PACRG: variants seen among roughly 807,000 people sequenced by gnomAD.
The protein encoded by PACRG is parkin coregulated gene protein.
In PACRG, 29 loss-of-function variants were observed where a neutral mutation model predicts 29.7. The ratio of observed to expected loss-of-function variants is 0.98; its 90% CI spans 0.73 to 1.33. The LOEUF (loss-of-function observed/expected upper bound fraction) is 1.33. PACRG is among the 40% of genes most tolerant of loss of function. The pLI, the probability that PACRG is intolerant of heterozygous loss-of-function variation, is 0.00. For missense variants in PACRG, 279 were observed against 316.2 expected, an observed-to-expected ratio of 0.88 and a Z score of 0.89; for synonymous variants, 116 against 118.7, an observed-to-expected ratio of 0.98 and a Z score of 0.15.
At chr6:163,177,710 A>ATTTTTTTTTTT (rs398003265) in intron 4 of PACRG, among the ~76,000 whole-genome samples, 5,654 of 53,682 alleles carry the variant, frequency 0.11, 1,364 homozygotes, top group Admixed American at 0.13. Context: ...TAGAAAAGGG[A>ATTTTTTTTTTT]TTTTTTTTTT....
At chr6:163,026,099 A>T (rs1458783883) in intron 2 of PACRG, among the ~76,000 whole-genome samples, 2 of 152,206 alleles carry the variant, frequency 1.3e-5, no homozygotes, top group South Asian at 4.1e-4. Flanking sequence ...ATACTATAAG[A>T]CTATAGTAAC....
In PACRG at chr6:163,062,164, G is replaced by T; in HGVS notation, c.306G>T (p.Lys102Asn). 3.7e-6 allele frequency: 6 copies of T among 1,613,768 alleles called. No individual in the cohort carries two copies. Among genetic ancestry groups the T allele is most frequent in the Non-Finnish European group, 5.1e-6 (6 of 1,179,908 alleles). Residue 102 changes from lysine (K) to asparagine (N), a missense_variant, in exon 3 of 5, where the codon AAG (lysine) becomes AAT (asparagine). Lys to Asn is a moderately conservative substitution (Grantham distance 94). Transcript: ENST00000366888. ...NKIAWKVEIE[K>N]LDYHHYLPLF... The stretch of plus-strand genomic sequence containing the variant: ...TTTACTTTCAGGTAGAAATTGAGAA[G>T]CTGGATTACCATCATTATCTGCCTC...
At chr6:162,841,456 T>C (rs990796147) in intron 2 of PACRG, among the ~76,000 whole-genome samples, 13 of 152,182 alleles carry the variant, frequency 8.5e-5, no homozygotes, top group Admixed American at 7.9e-4. Context: ...CTTTATCATA[T>C]TTTATTGCAT....
chr6:163,045,479 C>T (rs1015158408), intron 2 of PACRG, among the ~76,000 whole-genome samples: 1 of 152,130 alleles, frequency 6.6e-6, no homozygotes, highest in Non-Finnish European at 1.5e-5. Flanking sequence ...CGCCCGTCAA[C>T]ACGCCCGGCT....
At chr6:162,790,564 T>TA (rs1214830475) in intron 1 of PACRG, among the ~76,000 whole-genome samples, 2 of 152,182 alleles carry the variant, frequency 1.3e-5, no homozygotes, top group Non-Finnish European at 2.9e-5. Flanking sequence ...TTAATTCTTT[T>TA]AATCTTACCT....
At chr6:163,008,027 C>A (rs1397850329) in intron 2 of PACRG, among the ~76,000 whole-genome samples, 2 of 152,112 alleles carry the variant, frequency 1.3e-5, no homozygotes, top group Non-Finnish European at 2.9e-5. Flanking sequence ...ATAGAATATT[C>A]TTATTGTTGT....
At position 162,769,760 on chromosome 6, in the gene PACRG, G is replaced by T. The variant is rs117390060; in HGVS notation, c.156+41369G>T. Among the ~76,000 whole-genome samples, 96 of 135,406 alleles carry T rather than the reference G, an allele frequency of 7.1e-4. No individual in the cohort carries two copies. The East Asian group carries it at 0.019, about 27-fold the overall frequency. The allele number at this position is 135,406 out of a possible 152,430, so 88.8% of individuals were successfully genotyped here. On this transcript the variant is annotated intron_variant, in intron 1 of 4. Coordinates refer to ENST00000366888, the MANE Select transcript of PACRG (RefSeq NM_001080379.2). ...CAAGCATTATCCTACTTAAAAGAAG[G>T]TTAGCAAAAAAAAAAAAGAAAAGAA...
intron 4 of PACRG, among the ~76,000 whole-genome samples, chr6:163,218,265 A>G (rs1781441337): frequency 6.6e-6 from 1 of 152,218 alleles, no homozygotes; most frequent in Non-Finnish European, 1.5e-5. Context: ...ATCTCTGTGC[A>G]GTTATCTAAC....
At chr6:162,932,959 G>A (rs1428152853) in intron 2 of PACRG, among the ~76,000 whole-genome samples, 2 of 151,570 alleles carry the variant, frequency 1.3e-5, no homozygotes, top group East Asian at 1.9e-4. Flanking sequence ...TCATTAGGTT[G>A]TTTATTTGAA....
At chr6:163,172,942 C>G (rs1779156689) in intron 4 of PACRG, among the ~76,000 whole-genome samples, 1 of 152,120 alleles carries the variant, frequency 6.6e-6, no homozygotes, top group African/African-American at 2.4e-5. Context: ...ATGAAAATGG[C>G]TAAATCATGT....
chr6:162,914,530 T>C (rs1796564105), intron 2 of PACRG, among the ~76,000 whole-genome samples: 1 of 82,364 alleles, frequency 1.2e-5, no homozygotes, highest in Non-Finnish European at 2.5e-5. Flanking sequence ...TTTTTTTTTT[T>C]AGTTGTTTGG....
At chr6:163,089,579 C>G (rs1389803168) in intron 4 of PACRG, among the ~76,000 whole-genome samples, 171 bp downstream of exon 4, 2 of 152,176 alleles carry the variant, frequency 1.3e-5, no homozygotes. Flanking sequence ...CCTAGGGAAA[C>G]AGTAAAGTTA....
At chr6:163,200,710 C>T (rs1219837897) in intron 4 of PACRG, among the ~76,000 whole-genome samples, 1 of 152,148 alleles carries the variant, frequency 6.6e-6, no homozygotes, top group African/African-American at 2.4e-5. Context: ...ATACTAAAAA[C>T]CCTCAAGAGT....
chr6:162,757,789 C>T (rs536490643), intron 1 of PACRG, among the ~76,000 whole-genome samples: 2 of 151,906 alleles, frequency 1.3e-5, no homozygotes, highest in Non-Finnish European at 2.9e-5. Context: ...ATTGGCTTGA[C>T]TAATGCATAA....
chr6:162,972,493 T>C (rs968350362), intron 2 of PACRG, among the ~76,000 whole-genome samples: 1 of 152,138 alleles, frequency 6.6e-6, no homozygotes, highest in Non-Finnish European at 1.5e-5. Flanking sequence ...TTAAGAACAG[T>C]GTTGAATTAC....
chr6:163,277,799 A>G (rs1208314263), intron 4 of PACRG, among the ~76,000 whole-genome samples: 1 of 151,782 alleles, frequency 6.6e-6, no homozygotes, highest in Non-Finnish European at 1.5e-5. Context: ...ATAAGCATGC[A>G]TGTACAAGTA....
chr6:163,124,763 C>T (rs1816447361), intron 4 of PACRG, among the ~76,000 whole-genome samples: 1 of 152,084 alleles, frequency 6.6e-6, no homozygotes, highest in African/African-American at 2.4e-5. Context: ...TTCGAGAGGC[C>T]GTACAGCTGG....
intron 2 of PACRG, among the ~76,000 whole-genome samples, chr6:162,841,332 A>G (rs1300275379): frequency 6.6e-6 from 1 of 150,416 alleles, no homozygotes; most frequent in Non-Finnish European, 1.5e-5. Context: ...GGGAGAGTGT[A>G]TGTGTCGAGG....
intron 4 of PACRG, among the ~76,000 whole-genome samples, chr6:163,237,915 T>C (rs139669553): frequency 2.6e-4 from 40 of 152,360 alleles, no homozygotes; most frequent in African/African-American, 9.6e-4. Flanking sequence ...GCTTTACTTA[T>C]ATTTTCATGT....
Sources: gnomAD v4.1 joint callset for allele counts (sites outside exome capture counted in the v4.1 genomes callset) on GRCh38, gnomAD v4.1.1 for gene constraint, MANE v1.5 for transcripts, NCBI Gene and HGNC (gene_info 2026-07-23, HGNC 2026-07-21) for gene names.